Variants in HIVEP2 observed in about 807,000 individuals in gnomAD.
The protein encoded by HIVEP2 is HIVEP zinc finger 2.
In HIVEP2, 14 loss-of-function variants were observed where a neutral mutation model predicts 180.7. The ratio of observed to expected loss-of-function variants is 0.08; its 90% CI spans 0.05 to 0.12. The LOEUF (loss-of-function observed/expected upper bound fraction) is 0.12, where lower values mean the gene tolerates loss of function less well. HIVEP2 is among the 10% of genes least tolerant of loss of function. The pLI is 1.00. For synonymous variants in HIVEP2, 1,184 were observed against 1,136.4 expected, an observed-to-expected ratio of 1.04 and a Z score of -0.84; for missense variants, 2,579 against 3,008.5, an observed-to-expected ratio of 0.86 and a Z score of 3.34.
Position 142,768,440 on chromosome 6 carries a change from C to T in HIVEP2, c.5284G>A (p.Asp1762Asn), listed in dbSNP as rs1006701958. 3 of 1,613,234 alleles carry T rather than the reference C, an allele frequency of 1.9e-6. No homozygotes were observed. The highest frequency in any genetic ancestry group is 1.7e-4 in the Middle Eastern group (1 of 6,058). The change falls in exon 6 of 10, where the codon GAT becomes AAT. Residue 1762 changes from aspartate to asparagine, a missense_variant. Asp to Asn is a conservative substitution (Grantham distance 23). Around this residue, in one of 11 missense-constraint regions of HIVEP2, gnomAD observed 349 missense variants for 367.2 expected, o/e 0.95. Coordinates refer to ENST00000367603, the MANE Select transcript of HIVEP2 (RefSeq NM_006734.4). ...GTTTGTTTGGATCCAATATCTTTAT[C>T]TCCATGAATATCTCCTTTCCCTCTT... ...KERGKGDIHG[D>N]KDIGSKQTEP...
intron 1 of HIVEP2, among the ~76,000 whole-genome samples, chr6:142,891,087 T>G (rs1260106129): frequency 1.3e-5 from 2 of 152,242 alleles, no homozygotes; most frequent in Non-Finnish European, 2.9e-5. Flanking sequence ...AGTTCACTTT[T>G]GTTGTTTGCT....
intron 1 of HIVEP2, among the ~76,000 whole-genome samples, chr6:142,878,102 G>C (rs574769936): frequency 2.6e-5 from 4 of 152,068 alleles, no homozygotes; most frequent in Non-Finnish European, 4.4e-5. Context: ...AGGCAATCTT[G>C]ATATTCTCGG....
chr6:142,864,288 C>G (rs894502592), intron 1 of HIVEP2, among the ~76,000 whole-genome samples: 31 of 152,216 alleles, frequency 2.0e-4, no homozygotes, highest in Non-Finnish European at 3.1e-4. Flanking sequence ...GCCTGGAGGT[C>G]CCTTTAACCA....
At chr6:142,785,824 C>A (rs1391347743) in intron 2 of HIVEP2, among the ~76,000 whole-genome samples, 1 of 152,134 alleles carries the variant, frequency 6.6e-6, no homozygotes, top group African/African-American at 2.4e-5. Flanking sequence ...CACTCATGAC[C>A]TTTTAAATGT....
At chr6:142,811,538 T>C (rs947081162) in intron 2 of HIVEP2, among the ~76,000 whole-genome samples, 4 of 152,158 alleles carry the variant, frequency 2.6e-5, no homozygotes, top group African/African-American at 9.7e-5. Flanking sequence ...CTTTGAAGAA[T>C]GTCAGATTAG....
At chr6:142,836,146 AT>A (rs199769240) in intron 2 of HIVEP2, among the ~76,000 whole-genome samples, 30 of 151,710 alleles carry the variant, frequency 2.0e-4, no homozygotes, top group African/African-American at 4.8e-4. Flanking sequence ...TAGGAATACA[AT>A]TTTTTTTTCC....
In HIVEP2 at chr6:142,926,604, GC is replaced by G. The variant is rs1341817482; in HGVS notation, c.-641+18494del. On this transcript the variant is annotated intron_variant, in intron 1 of 9. Coordinates refer to ENST00000367603, the MANE Select transcript of HIVEP2 (RefSeq NM_006734.4). The stretch of plus-strand genomic sequence containing the variant: ...GGCACCATCAGGCCCCACTTCGGGA[GC>G]CCCCGGTGCTCCGGGCCCACCTGAC... Among the ~76,000 whole-genome samples the G allele has an allele frequency of 9.8e-5, 15 of 152,366 alleles. No homozygotes were observed. The South Asian group carries it at 1.0e-3, about 11-fold the overall frequency.
At chr6:142,838,710 A>G (rs1386857437) in intron 1 of HIVEP2, among the ~76,000 whole-genome samples, 1 of 152,130 alleles carries the variant, frequency 6.6e-6, no homozygotes, top group East Asian at 1.9e-4. Context: ...GATGCAGGAC[A>G]AACTTCAAGA....
At position 142,759,920 on chromosome 6, in the gene HIVEP2, A is replaced by T; in HGVS notation, c.6368T>A (p.Ile2123Asn). ...PRRPVSPGKD[I>N]TARRDLSPRR... ...AGGAGAGAGGTCTCTTCTTGCTGTG[A>T]TATCTTTCCCAGGAGACACTGGCCT... is the stretch of plus-strand genomic sequence containing the variant. The change falls in exon 9 of 10, where the codon ATC becomes AAC. Residue 2123 changes from isoleucine to asparagine, a missense_variant. Coordinates refer to ENST00000367603, the MANE Select transcript of HIVEP2 (RefSeq NM_006734.4). The T allele has an allele frequency of 6.2e-7, 1 of 1,614,036 alleles. No homozygotes were observed. The highest frequency in any genetic ancestry group is 8.5e-7 in the Non-Finnish European group (1 of 1,179,980).
At chr6:142,870,957 T>C (rs1327245250) in intron 1 of HIVEP2, among the ~76,000 whole-genome samples, 21 of 152,178 alleles carry the variant, frequency 1.4e-4, no homozygotes, top group Admixed American at 1.4e-3. Flanking sequence ...CCATACCATA[T>C]AGATATACTG....
In HIVEP2 at chr6:142,780,422, C is replaced by T. The variant is rs539190452; in HGVS notation, c.-433+3099G>A. Among the ~76,000 whole-genome samples, 19 of 152,294 alleles carry T rather than the reference C, an allele frequency of 1.2e-4. No homozygotes were observed. The East Asian group carries it at 2.5e-3, about 20-fold the overall frequency. ...ATGAACTTTCACATTTGATTTGAAA[C>T]ATGTTTGAGGATGTCTTTTTCTCTC... is the stretch of plus-strand genomic sequence containing the variant. On this transcript the variant is annotated intron_variant, in intron 3 of 9. Transcript: ENST00000367603.
Position 142,764,909 on chromosome 6 carries a change from T to C in HIVEP2, c.5408A>G (p.Glu1803Gly). 6.2e-7 allele frequency: 1 copy of C among 1,613,996 alleles called. No individual in the cohort carries two copies. Among genetic ancestry groups the C allele is most frequent in the Non-Finnish European group, 8.5e-7 (1 of 1,179,868 alleles). Residue 1803 changes from glutamate to glycine, a missense_variant, in exon 7 of 10, where the codon GAA becomes GGA. By Grantham distance (98) the Glu-to-Gly change is moderately conservative (BLOSUM62 -2). This residue lies in a region of HIVEP2 where 21 missense variants were observed against 86.8 expected (regional missense o/e 0.24). Transcript: ENST00000367603. ...GRGRGKYICE[E>G]CGIRCKKPSM... ...TGGCTTCTTACAGCGAATCCCACAT[T>C]CTTCACAAATGTACTTTCCCCGGCC...
chr6:142,878,812 C>G (rs1776510120), intron 1 of HIVEP2, among the ~76,000 whole-genome samples: 1 of 152,064 alleles, frequency 6.6e-6, no homozygotes, highest in African/African-American at 2.4e-5. Context: ...ACTGAAGGCA[C>G]CTCGCCTCAT....
intron 1 of HIVEP2, among the ~76,000 whole-genome samples, chr6:142,884,436 T>G (rs1776648466): frequency 1.3e-5 from 2 of 151,688 alleles, no homozygotes; most frequent in African/African-American, 4.8e-5. Context: ...CTAAAAGGAG[T>G]GTTTTAATTT....
At chr6:142,879,237 T>C (rs755425359) in intron 1 of HIVEP2, among the ~76,000 whole-genome samples, 9 of 152,270 alleles carry the variant, frequency 5.9e-5, no homozygotes, top group Middle Eastern at 6.8e-3. Context: ...AAGATGAGCC[T>C]TGTAGTGGAA....
chr6:142,764,216 TA>T (rs1007182274), intron 7 of HIVEP2, among the ~76,000 whole-genome samples: 46 of 152,014 alleles, frequency 3.0e-4, no homozygotes, highest in African/African-American at 8.4e-4. Context: ...AAACAGATTT[TA>T]AAAAAAAATT....
chr6:142,873,033 C>T (rs186743633), intron 1 of HIVEP2, among the ~76,000 whole-genome samples: 198 of 152,268 alleles, frequency 1.3e-3, no homozygotes, highest in African/African-American at 4.7e-3. Flanking sequence ...CAGCAATATT[C>T]CCCTCACAAG....
At chr6:142,933,970 T>G (rs1351470492) in intron 1 of HIVEP2, among the ~76,000 whole-genome samples, 1 of 152,166 alleles carries the variant, frequency 6.6e-6, no homozygotes, top group Non-Finnish European at 1.5e-5. Context: ...CTGAATACTT[T>G]GTGACACAAG....
chr6:142,873,407 A>G (rs1199746571), intron 1 of HIVEP2, among the ~76,000 whole-genome samples: 1 of 152,198 alleles, frequency 6.6e-6, no homozygotes, highest in African/African-American at 2.4e-5. Context: ...AATTAATCCA[A>G]TCACCACCAT....
Sources: gnomAD v4.1 joint callset for allele counts (sites outside exome capture counted in the v4.1 genomes callset) on GRCh38, gnomAD v4.1.1 for gene constraint, gnomAD v4.1.1 regional missense constraint, MANE v1.5 for transcripts, NCBI Gene and HGNC (gene_info 2026-07-23, HGNC 2026-07-21) for gene names.